Variants in DRC4 observed in about 807,000 individuals in gnomAD.
DRC4 encodes dynein regulatory complex subunit 4, also known as GAS-11.
the DRC4 span, among the ~76,000 whole-genome samples, chr16:90,030,571 T>C: frequency 1.3e-5 from 2 of 150,204 alleles, no homozygotes; most frequent in African/African-American, 2.5e-5. Flanking sequence ...TGTTCAACTC[T>C]GGGGCTCAAA....
At chr16:90,037,844 C>T in the DRC4 span, 1 of 1,613,758 alleles carries the variant, frequency 6.2e-7, no homozygotes, top group Non-Finnish European at 8.5e-7. Flanking sequence ...CAGCGATTCA[C>T]CAAGGTGAGT....
the DRC4 span, chr16:90,028,065 T>C: frequency 8.4e-5 from 18 of 213,484 alleles, no homozygotes. Context: ...AGAACACACA[T>C]GTAGCATTCT....
At chr16:90,042,970 G>A in the DRC4 span, 16 of 549,986 alleles carry the variant, frequency 2.9e-5, no homozygotes, top group African/African-American at 5.6e-5. Context: ...CCTCCGTCTC[G>A]TCATTTGTGG....
the DRC4 span, among the ~76,000 whole-genome samples, chr16:90,039,598 G>A: frequency 6.6e-6 from 1 of 151,968 alleles, no homozygotes; most frequent in African/African-American, 2.4e-5. Flanking sequence ...TGTTGGCCAG[G>A]CTGGTCTCGA....
the DRC4 span, chr16:90,031,422 G>A: frequency 6.2e-7 from 1 of 1,612,960 alleles, no homozygotes; most frequent in African/African-American, 1.3e-5. Flanking sequence ...GCAGCTGGAG[G>A]AGAAGAAGGC....
At chr16:90,036,436 G>A in the DRC4 span, 8 of 1,613,162 alleles carry the variant, frequency 5.0e-6, no homozygotes, top group South Asian at 8.8e-5. Flanking sequence ...AACTCGACTT[G>A]CGGAGAAAGA....
At chr16:90,027,939 C>T in the DRC4 span, 1 of 568,830 alleles carries the variant, frequency 1.8e-6, no homozygotes, top group Non-Finnish European at 3.2e-6. Flanking sequence ...AGCTTTGTAA[C>T]AGGGTGGTAG....
At chr16:90,021,695 C>T in the DRC4 span, among the ~76,000 whole-genome samples, 6 of 151,822 alleles carry the variant, frequency 4.0e-5, no homozygotes, top group South Asian at 2.1e-4. Context: ...AGCAAGACCC[C>T]GTCTCTATTA....
chr16:90,033,467 A>T, the DRC4 span, among the ~76,000 whole-genome samples: 1 of 152,208 alleles, frequency 6.6e-6, no homozygotes, highest in African/African-American at 2.4e-5. Context: ...GTTTGAGACT[A>T]GCTTGGGTGA....
the DRC4 span, chr16:90,037,899 G>A: frequency 3.3e-6 from 5 of 1,514,516 alleles, no homozygotes; most frequent in South Asian, 1.1e-5. Context: ...TTAGAGCAAC[G>A]GTTCACCAAG....
At chr16:90,044,870 A>G in the DRC4 span, 1,768 of 247,886 alleles carry the variant, frequency 7.1e-3, 33 homozygotes, top group African/African-American at 0.038. Context: ...CCCATGAGCA[A>G]GAACCACTTT....
chr16:90,030,034 G>A, the DRC4 span: 2 of 152,236 alleles, frequency 1.3e-5, no homozygotes, highest in Admixed American at 1.3e-4. Context: ...TGGGATTACA[G>A]GTGTGAGCCA....
At chr16:90,038,616 T>C in the DRC4 span, among the ~76,000 whole-genome samples, 1 of 152,212 alleles carries the variant, frequency 6.6e-6, no homozygotes, top group Non-Finnish European at 1.5e-5. Context: ...AGGACCCTGA[T>C]CATCTGTCCA....
the DRC4 span, chr16:90,036,915 C>G: frequency 3.6e-6 from 2 of 553,492 alleles, no homozygotes; most frequent in African/African-American, 3.8e-5. Flanking sequence ...TAGTCACTGC[C>G]TGCGACAGGT....
the DRC4 span, chr16:90,027,720 CA>C: frequency 6.2e-7 from 1 of 1,614,066 alleles, no homozygotes; most frequent in South Asian, 1.1e-5. Context: ...GAGCAAGGAG[CA>C]GGTGAGCAGA....
chr16:90,037,805 ACCTGCAGTGGGAG>A, the DRC4 span: 1 of 1,614,192 alleles, frequency 6.2e-7, no homozygotes, highest in Admixed American at 1.7e-5. Flanking sequence ...GAGCTGAAAG[ACCTGCAGTGGGAG>A]CATGAAGTGT....
the DRC4 span, chr16:90,036,262 C>A: frequency 1.2e-6 from 1 of 853,104 alleles, no homozygotes; most frequent in Non-Finnish European, 1.9e-6. Context: ...AGAGCTTTTG[C>A]CTGCAAGGCT....
chr16:90,037,271 G>T, the DRC4 span: 10 of 1,613,686 alleles, frequency 6.2e-6, no homozygotes, highest in Non-Finnish European at 8.5e-6. Flanking sequence ...GGACCACCTG[G>T]AGAGGGAGAT....
chr16:90,036,447 CTG>C, the DRC4 span: 4 of 1,614,014 alleles, frequency 2.5e-6, no homozygotes, highest in Non-Finnish European at 3.4e-6. Flanking sequence ...CGGAGAAAGA[CTG>C]AGCTCCACGA....
Sources: allele counts gnomAD v4.1 joint callset (sites outside exome capture counted in the v4.1 genomes callset), GRCh38; gene constraint gnomAD v4.1.1; transcripts MANE v1.5; gene names NCBI Gene and HGNC (gene_info 2026-07-23, HGNC 2026-07-21).